ATP8A2: variants seen among roughly 807,000 people sequenced by gnomAD.
ATP8A2 encodes the protein phospholipid-transporting ATPase IB.
A neutral mutation model predicts 165.6 loss-of-function variants in ATP8A2; 100 were observed. That is an observed-to-expected ratio of 0.60 (90% CI 0.51 to 0.71). The LOEUF is 0.71. Among genes scored for constraint, ATP8A2 ranks in the 30% least tolerant of loss-of-function variants. The pLI, the probability that ATP8A2 is intolerant of heterozygous loss-of-function variation, is 0.00. For synonymous variants in ATP8A2, 543 were observed against 548.8 expected (o/e 0.99, Z 0.15); for missense variants, 1,227 against 1,479.5 (o/e 0.83, Z 2.80).
intron 33 of ATP8A2, among the ~76,000 whole-genome samples, chr13:25,902,165 T>A (rs1487082925): frequency 6.6e-6 from 1 of 152,126 alleles, no homozygotes; most frequent in Non-Finnish European, 1.5e-5. Context: ...GCTCAACAGA[T>A]CTACAGGAAA....
At chr13:25,781,265 T>A (rs1356608497) in intron 27 of ATP8A2, among the ~76,000 whole-genome samples, 1 of 151,740 alleles carries the variant, frequency 6.6e-6, no homozygotes, top group Non-Finnish European at 1.5e-5. Flanking sequence ...TGAGACTGCG[T>A]CTCAAAAAAA....
At chr13:25,437,587 C>T (rs900363017) in intron 1 of ATP8A2, among the ~76,000 whole-genome samples, 2 of 152,056 alleles carry the variant, frequency 1.3e-5, no homozygotes, top group South Asian at 2.1e-4. Flanking sequence ...AAAATCAATA[C>T]GACTATTTTA....
At chr13:25,502,752 G>T (rs2036894595) in intron 2 of ATP8A2, among the ~76,000 whole-genome samples, 1 of 152,224 alleles carries the variant, frequency 6.6e-6, no homozygotes, top group Admixed American at 6.5e-5. Context: ...TCACCTGCTT[G>T]TTATGGCTGT....
chr13:25,494,296 G>A (rs1222609795), intron 2 of ATP8A2, among the ~76,000 whole-genome samples: 3 of 152,108 alleles, frequency 2.0e-5, no homozygotes, highest in African/African-American at 7.2e-5. Flanking sequence ...GATCAGTCTG[G>A]GTCTGCTGCA....
chr13:25,945,173 C>A (rs963373291), intron 33 of ATP8A2, among the ~76,000 whole-genome samples: 1 of 152,120 alleles, frequency 6.6e-6, no homozygotes, highest in Non-Finnish European at 1.5e-5. Flanking sequence ...TGTTGGAAGT[C>A]GGAATGATTG....
intron 1 of ATP8A2, among the ~76,000 whole-genome samples, chr13:25,378,204 A>C (rs2032707541): frequency 6.6e-6 from 1 of 151,978 alleles, no homozygotes; most frequent in Non-Finnish European, 1.5e-5. Flanking sequence ...TACCATAGAT[A>C]CATGTGTGCT....
intron 1 of ATP8A2, among the ~76,000 whole-genome samples, chr13:25,436,744 T>A (rs1284940342): frequency 6.6e-6 from 1 of 152,022 alleles, no homozygotes; most frequent in Non-Finnish European, 1.5e-5. Context: ...AGCACCCCCC[T>A]TTTTCTGCAG....
chr13:25,999,805 A>G (rs1956599054), intron 35 of ATP8A2, among the ~76,000 whole-genome samples: 1 of 152,190 alleles, frequency 6.6e-6, no homozygotes, highest in African/African-American at 2.4e-5. Context: ...AGAAAGGGGA[A>G]AGGAGAATCA....
intron 25 of ATP8A2, among the ~76,000 whole-genome samples, chr13:25,736,838 T>G (rs1343742765): frequency 6.6e-6 from 1 of 152,150 alleles, no homozygotes; most frequent in Non-Finnish European, 1.5e-5. Flanking sequence ...TGTGTGAATA[T>G]GTCCAGACAG....
chr13:25,462,169 C>G (rs764958419), intron 1 of ATP8A2, among the ~76,000 whole-genome samples: 13 of 152,198 alleles, frequency 8.5e-5, no homozygotes, highest in Non-Finnish European at 1.2e-4. Flanking sequence ...CCTTTTGGCT[C>G]TATCGTTCTA....
At chr13:25,509,038 G>A (rs181332569) in intron 2 of ATP8A2, among the ~76,000 whole-genome samples, 55 of 152,274 alleles carry the variant, frequency 3.6e-4, no homozygotes, top group African/African-American at 1.3e-3. Context: ...TTTGTGAACA[G>A]GTAAATTTTT....
intron 25 of ATP8A2, among the ~76,000 whole-genome samples, chr13:25,762,205 G>A (rs1411764874): frequency 1.5e-5 from 2 of 136,578 alleles, no homozygotes; most frequent in Admixed American, 1.6e-4. Flanking sequence ...GGAGGCGGAG[G>A]TTGCAGTGAG....
At position 25,953,487 on chromosome 13, in the gene ATP8A2, C is replaced by T. The variant is rs942217502; in HGVS notation, c.3184-8088C>T. Among the ~76,000 whole-genome samples, 1 of 139,910 alleles carries T rather than the reference C, an allele frequency of 7.1e-6. No individual in the cohort carries two copies. The highest frequency in any genetic ancestry group is 2.7e-5 in the African/African-American group (1 of 37,426). 91.8% of individuals were successfully genotyped at this position (139,910 alleles called of 152,430 possible). Reference sequence around the variant, plus strand: ...TCCACGCCACATTGGGGAACACAAACTGACCTTATGTAGCCCTGGTTACTC... The same window carrying T: ...TCCACGCCACATTGGGGAACACAAATTGACCTTATGTAGCCCTGGTTACTC... On this transcript the variant is annotated intron_variant, in intron 33 of 36. Transcript: ENST00000381655. The surrounding 1 kb of genome is among the most constrained non-coding windows in gnomAD (Gnocchi z 6.7).
chr13:25,698,737 A>T (rs1397208548), intron 24 of ATP8A2, among the ~76,000 whole-genome samples: 1 of 152,160 alleles, frequency 6.6e-6, no homozygotes, highest in Admixed American at 6.5e-5. Context: ...TTTAATCTGA[A>T]GATCTCAGCA....
chr13:25,868,218 G>A, intron 33 of ATP8A2: 1 of 408,998 alleles, frequency 2.4e-6, no homozygotes, highest in East Asian at 7.5e-5. Context: ...GTTACAGATT[G>A]GTTTAAGGAG....
intron 2 of ATP8A2, among the ~76,000 whole-genome samples, 189 bp from the exon 3 acceptor site, chr13:25,529,810 T>G (rs894582591): frequency 6.6e-6 from 1 of 152,164 alleles, no homozygotes; most frequent in Non-Finnish European, 1.5e-5. Context: ...ATTGGAAGAT[T>G]TTCTCATCAG....
chr13:25,656,171 G>A (rs2041922703), intron 24 of ATP8A2, among the ~76,000 whole-genome samples: 1 of 152,116 alleles, frequency 6.6e-6, no homozygotes, highest in Non-Finnish European at 1.5e-5. Context: ...GACCAAATAG[G>A]TTTACACACG....
intron 24 of ATP8A2, among the ~76,000 whole-genome samples, chr13:25,608,074 A>C (rs1410678589): frequency 1.3e-5 from 2 of 152,222 alleles, no homozygotes; most frequent in Non-Finnish European, 2.9e-5. Flanking sequence ...TATAAAGGGA[A>C]TACCTGTGCT....
chr13:25,838,579 T>TC, intron 29 of ATP8A2, among the ~76,000 whole-genome samples: 1 of 151,982 alleles, frequency 6.6e-6, no homozygotes, highest in Non-Finnish European at 1.5e-5. Flanking sequence ...TTTTTTTTTT[T>TC]AAGTAGAGAG....
Sources: allele counts gnomAD v4.1 joint callset (sites outside exome capture counted in the v4.1 genomes callset), GRCh38; gene constraint gnomAD v4.1.1; non-coding constraint Gnocchi (gnomAD v3.1); transcripts MANE v1.5; gene names NCBI Gene and HGNC (gene_info 2026-07-23, HGNC 2026-07-21).